The following NIBAN1 variants were observed in gnomAD, a reference collection of about 807,000 sequenced individuals.
The protein encoded by NIBAN1 is niban apoptosis regulator 1, also known as protein Niban 1.
A neutral mutation model predicts 75.1 loss-of-function variants in NIBAN1; 81 were observed. The observed-to-expected ratio is 1.08, with a 90% CI of 0.90 to 1.30. NIBAN1 has a LOEUF of 1.30. NIBAN1 is among the 50% of genes most tolerant of loss of function. The probability of loss-of-function intolerance (pLI) is 0.00; values close to 1 mark genes in which losing one functional copy is unlikely to be tolerated. For missense variants in NIBAN1, 1,133 were observed against 1,128.1 expected, an observed-to-expected ratio of 1.00 and a Z score of -0.06; for synonymous variants, 436 against 424.8, an observed-to-expected ratio of 1.03 and a Z score of -0.32.
At chr1:184,930,724 C>T (rs1657796211) in intron 1 of NIBAN1, among the ~76,000 whole-genome samples, 1 of 152,154 alleles carries the variant, frequency 6.6e-6, no homozygotes, top group African/African-American at 2.4e-5. Flanking sequence ...ATCATACAAC[C>T]ACCAACTTGG....
At chr1:184,962,646 C>G (rs932341749) in intron 1 of NIBAN1, among the ~76,000 whole-genome samples, 5 of 152,008 alleles carry the variant, frequency 3.3e-5, no homozygotes, top group African/African-American at 1.2e-4. Context: ...CTTGACATAC[C>G]AGATGGCAAG....
At chr1:184,965,202 C>G (rs1284314158) in intron 1 of NIBAN1, among the ~76,000 whole-genome samples, 11 of 151,704 alleles carry the variant, frequency 7.3e-5, no homozygotes, top group Non-Finnish European at 1.3e-4. Context: ...GAGAGGCTGA[C>G]GCAGGAGAAT....
At chr1:184,956,906 C>G (rs1487547139) in intron 1 of NIBAN1, among the ~76,000 whole-genome samples, 1 of 152,188 alleles carries the variant, frequency 6.6e-6, no homozygotes. Context: ...CTATAAGCCA[C>G]TGAGCGTTGA....
chr1:184,804,076 G>T (rs1654122002), intron 11 of NIBAN1, among the ~76,000 whole-genome samples: 1 of 152,192 alleles, frequency 6.6e-6, no homozygotes, highest in Non-Finnish European at 1.5e-5. Context: ...TCAGTGGGTT[G>T]TAATGATTTG....
Position 184,793,737 on chromosome 1 carries a change from TAAG to T in NIBAN1, c.*1237_*1239del, listed in dbSNP as rs1266183649. Reference sequence around the variant, plus strand: ...TTAATGGTTATAGGTCACCATCCGTTAAGAAGATGTGTTTTGTCTATTTCCATT... The same window carrying T: ...TTAATGGTTATAGGTCACCATCCGTTAAGATGTGTTTTGTCTATTTCCATT... On this transcript the variant is annotated 3_prime_UTR_variant, in exon 14 of 14. Coordinates refer to ENST00000367511, the MANE Select transcript of NIBAN1 (RefSeq NM_052966.4). 3.3e-5 allele frequency: 5 copies of T among 152,214 alleles called. No individual in the cohort carries two copies. Among genetic ancestry groups the T allele is most frequent in the Admixed American group, 3.3e-4 (5 of 15,280 alleles). The allele number at this position is 152,214 out of a possible 1,614,324, so 9.4% of individuals were successfully genotyped here.
chr1:184,869,547 CTT>C (rs773764916), intron 5 of NIBAN1, among the ~76,000 whole-genome samples: 1 of 146,098 alleles, frequency 6.8e-6, no homozygotes. Context: ...GCATTCACTA[CTT>C]TTTTTTTTTT....
chr1:184,894,235 C>T (rs1309903053), intron 2 of NIBAN1, 29 bp from the exon 3 acceptor site: 1 of 1,574,432 alleles, frequency 6.4e-7, no homozygotes, highest in Non-Finnish European at 8.6e-7. Flanking sequence ...AATTAACTAT[C>T]ACAACAAAAG....
In NIBAN1 at chr1:184,867,933, G is replaced by A. The variant is rs1183007947; in HGVS notation, c.601+16700C>T. 9.1e-6 allele frequency: 9 copies of A among 985,284 alleles called. No individual in the cohort carries two copies. In the African/African-American group the frequency reaches 1.6e-4, roughly 17 times the overall value. 61.0% of individuals were successfully genotyped at this position (985,284 alleles called of 1,614,324 possible). ...TTAAAGTGTCCCGTGTCACACAACG[G>A]GACAGTGTGGCAGTCTAATAGTTTC... is the stretch of plus-strand genomic sequence containing the variant. On this transcript the variant is annotated intron_variant, in intron 5 of 13. Transcript: ENST00000367511.
chr1:184,895,311 T>C (rs1373885969), intron 2 of NIBAN1, among the ~76,000 whole-genome samples: 1 of 152,208 alleles, frequency 6.6e-6, no homozygotes, highest in Non-Finnish European at 1.5e-5. Flanking sequence ...TCTTAAAACC[T>C]GGACCACTTA....
At chr1:184,962,004 A>G (rs866300016) in intron 1 of NIBAN1, among the ~76,000 whole-genome samples, 1 of 152,354 alleles carries the variant, frequency 6.6e-6, no homozygotes, top group African/African-American at 2.4e-5. Flanking sequence ...TCCTATCTTC[A>G]TACTTCTTTG....
intron 4 of NIBAN1, among the ~76,000 whole-genome samples, chr1:184,885,479 C>T (rs998348987): frequency 2.6e-5 from 4 of 152,090 alleles, no homozygotes; most frequent in Non-Finnish European, 4.4e-5. Context: ...CCAGCCTGGG[C>T]ACAATCTTTC....
Position 184,795,346 on chromosome 1 carries a change from C to G in NIBAN1, c.2418G>C (p.Glu806Asp). The G allele has an allele frequency of 1.2e-6, 2 of 1,609,680 alleles. No individual in the cohort carries two copies. Among genetic ancestry groups the G allele is most frequent in the Non-Finnish European group, 1.7e-6 (2 of 1,177,990 alleles). ...GCTCCCCCTCCATGGGCCCCAGGGG[C>G]TCCTCGGTGAGCCCTCCACTGGCTG... ...SPPASGGLTE[E>D]PLGPMEGELP... Residue 806 changes from glutamate to aspartate, a missense_variant, in exon 14 of 14, where the codon GAG (glutamate) becomes GAC (aspartate). Physicochemically the swap from Glu to Asp is conservative, Grantham distance 45. Coordinates refer to ENST00000367511, the MANE Select transcript of NIBAN1 (RefSeq NM_052966.4).
chr1:184,890,415 T>C (rs1370220159), intron 3 of NIBAN1, among the ~76,000 whole-genome samples, 193 bp from the exon 4 acceptor site: 6 of 152,232 alleles, frequency 3.9e-5, no homozygotes, highest in Non-Finnish European at 8.8e-5. Context: ...ATTTTAATAC[T>C]TTCATGTGAC....
intron 5 of NIBAN1, among the ~76,000 whole-genome samples, chr1:184,866,387 G>T (rs1452189423): frequency 6.6e-6 from 1 of 152,136 alleles, no homozygotes; most frequent in Non-Finnish European, 1.5e-5. Flanking sequence ...TATTGGCTTA[G>T]GATTTAGTTC....
chr1:184,834,235 C>T (rs949939285), intron 5 of NIBAN1, among the ~76,000 whole-genome samples: 8 of 152,188 alleles, frequency 5.3e-5, no homozygotes, highest in Non-Finnish European at 1.0e-4. Flanking sequence ...ATATGTGCCA[C>T]ATTTTCTTAA....
chr1:184,881,542 G>A (rs762519741), intron 5 of NIBAN1, among the ~76,000 whole-genome samples: 1 of 152,110 alleles, frequency 6.6e-6, no homozygotes, highest in Non-Finnish European at 1.5e-5. Context: ...TGGATCTCGC[G>A]CAAGAAAGAA....
chr1:184,807,320 G>GA (rs34125405), intron 10 of NIBAN1, among the ~76,000 whole-genome samples: 308 of 134,264 alleles, frequency 2.3e-3, no homozygotes, highest in Non-Finnish European at 3.4e-3. Flanking sequence ...GGTTCCTTAT[G>GA]AAAAAAAAAA....
intron 5 of NIBAN1, among the ~76,000 whole-genome samples, chr1:184,869,807 G>A (rs1229762020): frequency 6.6e-6 from 1 of 152,148 alleles, no homozygotes; most frequent in Non-Finnish European, 1.5e-5. Flanking sequence ...CTCCCAACGT[G>A]CTAGGATTAC....
intron 8 of NIBAN1, among the ~76,000 whole-genome samples, chr1:184,820,742 G>A (rs188267827): frequency 3.1e-3 from 466 of 152,362 alleles, no homozygotes; most frequent in Non-Finnish European, 4.8e-3. Context: ...TTTGGAGCCC[G>A]ACTCTACCAC....
Sources: gnomAD v4.1 joint callset for allele counts (sites outside exome capture counted in the v4.1 genomes callset) on GRCh38, gnomAD v4.1.1 for gene constraint, MANE v1.5 for transcripts, NCBI Gene and HGNC (gene_info 2026-07-23, HGNC 2026-07-21) for gene names.